Variants in MYO15A observed in about 807,000 individuals in gnomAD.
MYO15A encodes the protein myosin XVA.
MYO15A carries 308 observed loss-of-function variants against 394.6 expected under a neutral mutation model. The observed-to-expected ratio is 0.78, with a 90% CI of 0.71 to 0.86. The LOEUF is 0.86. MYO15A is among the 40% of genes least tolerant of loss of function. The pLI is 0.00. For synonymous variants in MYO15A, 1,957 were observed against 2,003.8 expected (o/e 0.98, Z 0.62); for missense variants, 4,606 against 4,799.1 (o/e 0.96, Z 1.19).
intron 50 of MYO15A, chr17:18,157,479 C>G (rs2046696280): frequency 1.1e-6 from 1 of 904,112 alleles, no homozygotes; most frequent in South Asian, 1.7e-5. Flanking sequence ...TCCACATGAC[C>G]TGAGAGTCCA....
chr17:18,148,945 C>T lies in MYO15A; in HGVS notation c.6949C>T (p.Pro2317Ser). 1 of 1,595,948 alleles carries T rather than the reference C, an allele frequency of 6.3e-7. No homozygotes were observed. The highest frequency in any genetic ancestry group is 8.5e-7 in the Non-Finnish European group (1 of 1,171,420). ...TEGPAASRGG[P>S]KVVFGNSWDS... ...GGGGCCTGCAGCCAGCAGGGGAGGCCCCAAAGTGTAGGTAGCTATGGGGGA... is the reference window on the plus strand; with the variant it reads ...GGGGCCTGCAGCCAGCAGGGGAGGCTCCAAAGTGTAGGTAGCTATGGGGGA... Residue 2317 changes from proline to serine, a missense_variant, in exon 33 of 66, where the codon CCC becomes TCC. Pro to Ser is a moderately conservative substitution (Grantham distance 74). This residue lies in a region of MYO15A where 2,776 missense variants were observed against 3,109.3 expected (regional missense o/e 0.89). Transcript: ENST00000647165. This position sits in a 1 kb window ranked among gnomAD's most constrained non-coding sequence, Gnocchi z 4.8.
chr17:18,110,530 C>T (rs1194672396), intron 1 of MYO15A: 1 of 152,162 alleles, frequency 6.6e-6, no homozygotes, highest in African/African-American at 2.4e-5. Flanking sequence ...GTGGCCTGGC[C>T]GTTCTGAGCA....
At position 18,120,706 on chromosome 17, in the gene MYO15A, CGCA is replaced by C. The variant is rs1175773363; in HGVS notation, c.1913_1915del (p.Ser638del). Reference sequence around the variant, plus strand: ...GCTGAGGAGGGCCCAGCCACGCGCTCGCAGCAGCAACGACGCGCGCCGCCCGCC... The same window carrying C: ...GCTGAGGAGGGCCCAGCCACGCGCTCGCAGCAACGACGCGCGCCGCCCGCC... On this transcript the variant is annotated inframe_deletion, in exon 2 of 66. Transcript: ENST00000647165. 6.5e-7 allele frequency: 1 copy of C among 1,532,550 alleles called. No homozygotes were observed. Among genetic ancestry groups the C allele is most frequent in the Non-Finnish European group, 8.7e-7 (1 of 1,149,504 alleles). The allele number at this position is 1,532,550 out of a possible 1,614,324, so 94.9% of individuals were successfully genotyped here.
At position 18,122,070 on chromosome 17, in the gene MYO15A, C is replaced by A. The variant is rs776059784; in HGVS notation, c.3270C>A (p.Pro1090=). ...GAACACTGCCCCAAGCCGCAGCCCC[C>A]TTGGCGCCCATCAGGGCCCCAGAGC... ...RWGTLPQAAA[P]LAPIRAPEPL... The change falls in exon 2 of 66, where the codon CCC becomes CCA. Residue 1090 remains proline (P), a synonymous_variant. Coordinates refer to ENST00000647165, the MANE Select transcript of MYO15A (RefSeq NM_016239.4). The A allele has an allele frequency of 6.2e-7, 1 of 1,612,900 alleles. No homozygotes were observed.
At chr17:18,116,530 T>C (rs992627494) in intron 1 of MYO15A, among the ~76,000 whole-genome samples, 2 of 152,152 alleles carry the variant, frequency 1.3e-5, no homozygotes, top group Non-Finnish European at 2.9e-5. Context: ...GCTGTGAGAG[T>C]CCCATGAGAC....
intron 50 of MYO15A, 81 bp from the exon 51 acceptor site, chr17:18,157,641 G>C: frequency 6.3e-7 from 1 of 1,589,360 alleles, no homozygotes. Context: ...GGTTAAGAAT[G>C]TTCCCAAATC....
chr17:18,121,293 G>C lies in MYO15A; in HGVS notation c.2493G>C (p.Gly831=). The C allele has an allele frequency of 7.5e-7, 1 of 1,337,726 alleles. No homozygotes were observed. The highest frequency in any genetic ancestry group is 9.5e-7 in the Non-Finnish European group (1 of 1,049,984). 82.9% of individuals were successfully genotyped at this position (1,337,726 alleles called of 1,614,324 possible). A position where few individuals can be genotyped will look rare whatever the true frequency, so the allele number is the denominator to read the frequency against. The change falls in exon 2 of 66, where the codon GGG becomes GGC. Residue 831 remains glycine (G), a synonymous_variant. Transcript: ENST00000647165. This position sits in a 1 kb window ranked among gnomAD's most constrained non-coding sequence, Gnocchi z 5.3. ...QESPAPRRAA[G]RLGPPGSPLP... ...CCCCAGCCCCACGCCGAGCCGCTGG[G>C]CGCCTGGGCCCACCCGGCTCGCCGC...
chr17:18,175,091 T>A (rs1299674653), intron 65 of MYO15A, among the ~76,000 whole-genome samples: 11 of 150,452 alleles, frequency 7.3e-5, no homozygotes, highest in Admixed American at 7.3e-4. Flanking sequence ...TTTTTTTTTT[T>A]TTTTTTCAGT....
chr17:18,140,615 GGCC>G lies in MYO15A; in HGVS notation c.5314_5316del (p.Ala1772del), dbSNP rs746892325. On this transcript the variant is annotated inframe_deletion, in exon 20 of 66. Coordinates refer to ENST00000647165, the MANE Select transcript of MYO15A (RefSeq NM_016239.4). ...CTCGGCTCTACAAGGCGCACACTGT[GGCC>G]GCCAAGTTCCAGCAGTCACTCCTGG... 2.5e-6 allele frequency: 4 copies of G among 1,613,840 alleles called. No homozygotes were observed. The highest frequency in any genetic ancestry group is 1.7e-5 in the Admixed American group (1 of 60,032).
intron 16 of MYO15A, 92 bp from the exon 17 acceptor site, chr17:18,138,023 G>A (rs2046309904): frequency 6.8e-7 from 1 of 1,466,564 alleles, no homozygotes; most frequent in Non-Finnish European, 9.1e-7. Flanking sequence ...AGGTGCTGCT[G>A]GCCAGGCTCC....
intron 65 of MYO15A, among the ~76,000 whole-genome samples, chr17:18,175,417 A>G (rs2047001609): frequency 6.6e-6 from 1 of 151,080 alleles, no homozygotes; most frequent in Non-Finnish European, 1.5e-5. Context: ...CAGCCTCCCA[A>G]GTAGCTGGGA....
intron 1 of MYO15A, chr17:18,110,380 C>G (rs1181021647): frequency 6.6e-6 from 1 of 152,244 alleles, no homozygotes. Context: ...TGTGGACACT[C>G]TGAAGCCAGA....
At position 18,159,980 on chromosome 17, in the gene MYO15A, G is replaced by A. The variant is rs1176613857; in HGVS notation, c.9349G>A (p.Val3117Ile). The A allele has an allele frequency of 1.2e-6, 2 of 1,613,844 alleles. No individual in the cohort carries two copies. The highest frequency in any genetic ancestry group is 8.5e-7 in the Non-Finnish European group (1 of 1,180,018). Reference protein sequence around the residue: ...EVMRDECYCQVVKQITDNTSS... With the variant: ...EVMRDECYCQIVKQITDNTSS... ...CATGCGGGATGAATGTTACTGCCAA[G>A]TTGTGAAGCAGATCACAGACAATAC... is the stretch of plus-strand genomic sequence containing the variant. The change falls in exon 56 of 66, where the codon GTT becomes ATT. Residue 3117 changes from valine to isoleucine, a missense_variant. This residue lies in a region of MYO15A where 2,776 missense variants were observed against 3,109.3 expected (regional missense o/e 0.89). Transcript: ENST00000647165.
chr17:18,140,555 T>A lies in MYO15A; in HGVS notation c.5250T>A (p.Ala1750=). The A allele has an allele frequency of 6.2e-7, 1 of 1,613,682 alleles. No individual in the cohort carries two copies. Among genetic ancestry groups the A allele is most frequent in the Non-Finnish European group, 8.5e-7 (1 of 1,180,028 alleles). Residue 1750 remains alanine, a synonymous_variant, in exon 20 of 66, where the codon GCT becomes GCA. Coordinates refer to ENST00000647165, the MANE Select transcript of MYO15A (RefSeq NM_016239.4). ...TCTTCTCCAGCCATGCCCCACAGGCTGCCCCTCAGCGCCTGGGCAAGAGCA... is the reference window on the plus strand; with the variant it reads ...TCTTCTCCAGCCATGCCCCACAGGCAGCCCCTCAGCGCCTGGGCAAGAGCA... ...AHLFSSHAPQ[A]APQRLGKSSS... is the part of the protein sequence containing the mutation.
intron 24 of MYO15A, 56 bp downstream of exon 24, chr17:18,142,310 G>T: frequency 6.4e-7 from 1 of 1,574,162 alleles, no homozygotes; most frequent in African/African-American, 1.3e-5. Flanking sequence ...CTCGGGAGAG[G>T]TCACGCCTGA....
rs1381422765 is a variant in MYO15A, at chr17:18,118,960, C to T, written c.160C>T (p.Arg54Cys). 5 of 1,613,280 alleles carry T rather than the reference C, an allele frequency of 3.1e-6. No homozygotes were observed. Among genetic ancestry groups the T allele is most frequent in the Non-Finnish European group, 4.2e-6 (5 of 1,179,972 alleles). ...CAAGATCTCCAAGAAGGGCCAGTTC[C>T]GCAGCGCCTCGGCCTTCTTCTGGGG... ...TPKISKKGQF[R>C]SASAFFWGLH... The change falls in exon 2 of 66, where the codon CGC (arginine) becomes TGC (cysteine). Residue 54 changes from arginine (R) to cysteine (C), a missense_variant. By Grantham distance (180) the Arg-to-Cys change is radical. This residue lies in a region of MYO15A where 1,830 missense variants were observed against 1,689.7 expected (regional missense o/e 1.08). Transcript: ENST00000647165.
chr17:18,127,834 G>GATATATATATATATATATATAT (rs55650584), intron 7 of MYO15A, among the ~76,000 whole-genome samples: 1 of 131,082 alleles, frequency 7.6e-6, no homozygotes. Flanking sequence ...GAAAAAAAAA[G>GATATATATATATATATATATAT]ATATATATAT....
chr17:18,127,293 C>T (rs2046065823), intron 7 of MYO15A, 128 bp downstream of exon 7: 1 of 1,184,598 alleles, frequency 8.4e-7, no homozygotes, highest in African/African-American at 1.5e-5. Context: ...CAGAAGGGGG[C>T]CTTGCCCAGG....
chr17:18,171,865 C>CA, intron 63 of MYO15A, 94 bp downstream of exon 63: 1 of 1,508,500 alleles, frequency 6.6e-7, no homozygotes, highest in Non-Finnish European at 8.8e-7. Context: ...TTTCTTTGCA[C>CA]AAAGGCATTT....
Sources: gnomAD v4.1 joint callset for allele counts (sites outside exome capture counted in the v4.1 genomes callset) on GRCh38, gnomAD v4.1.1 for gene constraint, gnomAD v4.1.1 regional missense constraint, Gnocchi (gnomAD v3.1) non-coding constraint, MANE v1.5 for transcripts, NCBI Gene and HGNC (gene_info 2026-07-23, HGNC 2026-07-21) for gene names.